Variants in FOXO3 observed in about 807,000 individuals in gnomAD.
The protein encoded by FOXO3 is forkhead box O3, also known as forkhead box protein O3.
FOXO3 carries 4 observed loss-of-function variants against 41.9 expected under a neutral mutation model. The observed-to-expected ratio is 0.10, with a 90% CI of 0.05 to 0.22. The LOEUF is 0.22. Ranked by LOEUF, FOXO3 falls within the 10% of genes least tolerant of loss-of-function variation. The probability of loss-of-function intolerance (pLI) is 1.00; values close to 1 mark genes in which losing one functional copy is unlikely to be tolerated. For synonymous variants in FOXO3, 318 were observed against 389.3 expected, an observed-to-expected ratio of 0.82 and a Z score of 2.16; for missense variants, 534 against 906.8, an observed-to-expected ratio of 0.59 and a Z score of 5.28.
At chr6:108,580,620 C>T (rs1202446865) in intron 1 of FOXO3, among the ~76,000 whole-genome samples, 1 of 152,172 alleles carries the variant, frequency 6.6e-6, no homozygotes, top group Non-Finnish European at 1.5e-5. Flanking sequence ...AAGGGAACTC[C>T]AAAGTCAATT....
chr6:108,568,800 G>A (rs1475522215), intron 1 of FOXO3, among the ~76,000 whole-genome samples: 1 of 152,148 alleles, frequency 6.6e-6, no homozygotes, highest in Non-Finnish European at 1.5e-5. Flanking sequence ...AATGTGAGAT[G>A]ATGCTGTGCT....
intron 1 of FOXO3, among the ~76,000 whole-genome samples, chr6:108,634,659 G>T (rs1037887665): frequency 1.3e-5 from 2 of 152,110 alleles, no homozygotes; most frequent in Non-Finnish European, 2.9e-5. Context: ...GTTTCAGAGT[G>T]ATTAGAGGGT....
At chr6:108,578,918 A>C (rs1040430223) in intron 1 of FOXO3, among the ~76,000 whole-genome samples, 2 of 152,220 alleles carry the variant, frequency 1.3e-5, no homozygotes, top group Non-Finnish European at 2.9e-5. Flanking sequence ...AGGTGGAACC[A>C]GGTACAGATC....
chr6:108,586,936 A>ATATTATTATTAT (rs143546022), intron 1 of FOXO3, among the ~76,000 whole-genome samples: 120 of 133,614 alleles, frequency 9.0e-4, no homozygotes, highest in African/African-American at 2.9e-3. Context: ...CTGAACGTAA[A>ATATTATTATTAT]TATTATTATT....
At chr6:108,615,198 G>A (rs116488554) in intron 1 of FOXO3, among the ~76,000 whole-genome samples, 5 of 151,872 alleles carry the variant, frequency 3.3e-5, no homozygotes, top group African/African-American at 4.8e-5. Flanking sequence ...ATCATTCCCC[G>A]CTCTTCATTC....
At position 108,680,575 on chromosome 6, in the gene FOXO3, A is replaced by T. The variant is rs186273806; in HGVS notation, c.*783A>T. ...TGGACGGGACCCCAGCACCAAGTCT[A>T]CGGGTGCCAGATCAGTAGGGCCTGT... On this transcript the variant is annotated 3_prime_UTR_variant, in exon 3 of 3. Coordinates refer to ENST00000406360, the MANE Select transcript of FOXO3 (RefSeq NM_001455.4). 6.6e-6 allele frequency: 1 copy of T among 152,602 alleles called. No homozygotes were observed. Among genetic ancestry groups the T allele is most frequent in the Admixed American group, 6.5e-5 (1 of 15,286 alleles). The allele number at this position is 152,602 out of a possible 1,614,324, so 9.5% of individuals were successfully genotyped here.
chr6:108,658,666 A>G (rs1255830868), intron 1 of FOXO3, among the ~76,000 whole-genome samples: 1 of 151,420 alleles, frequency 6.6e-6, no homozygotes, highest in African/African-American at 2.4e-5. Flanking sequence ...CAGGTGATCT[A>G]TCCCCGCTTG....
intron 1 of FOXO3, among the ~76,000 whole-genome samples, chr6:108,575,011 C>T (rs939174902): frequency 6.6e-6 from 1 of 152,062 alleles, no homozygotes; most frequent in Admixed American, 6.5e-5. Context: ...GAGGCAGCTG[C>T]AGTAGAAGTT....
intron 1 of FOXO3, among the ~76,000 whole-genome samples, chr6:108,644,356 A>G (rs553086137): frequency 6.6e-6 from 1 of 152,296 alleles, no homozygotes; most frequent in East Asian, 1.9e-4. Flanking sequence ...TAGCGTTTTT[A>G]TTATTAGTAG....
intron 1 of FOXO3, among the ~76,000 whole-genome samples, chr6:108,619,669 A>G (rs1232793590): frequency 2.6e-5 from 4 of 152,224 alleles, no homozygotes; most frequent in African/African-American, 9.7e-5. Context: ...TTTTTTAATT[A>G]CTAAAAATAA....
At chr6:108,658,635 G>A (rs563914520) in intron 1 of FOXO3, among the ~76,000 whole-genome samples, 14 of 151,236 alleles carry the variant, frequency 9.3e-5, no homozygotes, top group South Asian at 6.3e-4. Flanking sequence ...GTTGGCCAGC[G>A]TGGTCTCAAA....
At chr6:108,604,609 A>G (rs1777140442) in intron 1 of FOXO3, among the ~76,000 whole-genome samples, 1 of 152,230 alleles carries the variant, frequency 6.6e-6, no homozygotes, top group Non-Finnish European at 1.5e-5. Context: ...TTACAGTGTT[A>G]GAGTCTCTAC....
chr6:108,649,149 C>T (rs1778477534), intron 1 of FOXO3, among the ~76,000 whole-genome samples: 1 of 151,952 alleles, frequency 6.6e-6, no homozygotes, highest in Admixed American at 6.6e-5. Context: ...GTCTATTTTG[C>T]ATTGGTTCTT....
At chr6:108,612,720 A>G (rs1398053876) in intron 1 of FOXO3, among the ~76,000 whole-genome samples, 1 of 151,988 alleles carries the variant, frequency 6.6e-6, no homozygotes, top group Non-Finnish European at 1.5e-5. Flanking sequence ...CTTCCTTTCT[A>G]ATATATACTG....
intron 1 of FOXO3, among the ~76,000 whole-genome samples, chr6:108,619,952 T>C (rs1274787283): frequency 6.6e-6 from 1 of 152,192 alleles, no homozygotes; most frequent in African/African-American, 2.4e-5. Flanking sequence ...ACCATCTTCT[T>C]GAGGTTTCAT....
chr6:108,652,243 T>C (rs1037712967), intron 1 of FOXO3, among the ~76,000 whole-genome samples: 3 of 152,196 alleles, frequency 2.0e-5, no homozygotes, highest in Non-Finnish European at 1.5e-5. Context: ...TTCCCCAAAA[T>C]AGTGATCCCA....
intron 1 of FOXO3, among the ~76,000 whole-genome samples, chr6:108,641,276 A>G (rs182582654): frequency 4.0e-4 from 61 of 152,210 alleles, no homozygotes; most frequent in African/African-American, 1.4e-3. Flanking sequence ...CTATGCCTTT[A>G]AACTTAAGTT....
intron 2 of FOXO3, among the ~76,000 whole-genome samples, chr6:108,666,268 G>A (rs1251475720): frequency 6.6e-6 from 1 of 152,154 alleles, no homozygotes; most frequent in African/African-American, 2.4e-5. Context: ...TGGGCAAGCA[G>A]GTAGCCCAGA....
At chr6:108,621,470 G>A (rs995365465) in intron 1 of FOXO3, among the ~76,000 whole-genome samples, 1 of 152,224 alleles carries the variant, frequency 6.6e-6, no homozygotes, top group Non-Finnish European at 1.5e-5. Flanking sequence ...AATCAAGTAT[G>A]TGTGTAGTGC....
Sources: gnomAD v4.1 joint callset for allele counts (sites outside exome capture counted in the v4.1 genomes callset) on GRCh38, gnomAD v4.1.1 for gene constraint, MANE v1.5 for transcripts, NCBI Gene and HGNC (gene_info 2026-07-23, HGNC 2026-07-21) for gene names.